The following SEMA3B variants were observed in gnomAD, a reference collection of about 807,000 sequenced individuals.
The protein encoded by SEMA3B is semaphorin 3B, also known as semaphorin-3B.
Under a neutral mutation model 77.8 loss-of-function variants are expected in SEMA3B, and 71 were observed. That is an observed-to-expected ratio of 0.91 (90% CI 0.75 to 1.11). The LOEUF is 1.11. Among genes scored for constraint, SEMA3B ranks in the 50% most tolerant of loss-of-function variants. The pLI is 0.00. For synonymous variants in SEMA3B, 470 were observed against 452.9 expected, an observed-to-expected ratio of 1.04 and a Z score of -0.48; for missense variants, 968 against 1,056.8, an observed-to-expected ratio of 0.92 and a Z score of 1.17.
At position 50,275,244 on chromosome 3, in the gene SEMA3B, G is replaced by T. The variant is rs1701191747; in HGVS notation, c.1492-58G>T. 1.4e-6 allele frequency: 2 copies of T among 1,475,186 alleles called. No homozygotes were observed. Among genetic ancestry groups the T allele is most frequent in the Non-Finnish European group, 1.8e-6 (2 of 1,109,376 alleles). 91.4% of individuals were successfully genotyped at this position (1,475,186 alleles called of 1,614,324 possible). A position where few individuals can be genotyped will look rare whatever the true frequency, so the allele number is the denominator to read the frequency against. On this transcript the variant is annotated intron_variant, in intron 13 of 16. Transcript: ENST00000616701. This position sits in a 1 kb window ranked among gnomAD's most constrained non-coding sequence, Gnocchi z 7.5. ...CGAGTGGAAGAAGGGATCCCTGACC[G>T]ATGGGAGGCAGGCGTGGGGTCGCCC...
Position 50,275,000 on chromosome 3 carries a change from C to T in SEMA3B, c.1450-12C>T. On this transcript the variant is annotated splice_polypyrimidine_tract_variant and intron_variant, in intron 12 of 16. Transcript: ENST00000616701. This position sits in a 1 kb window ranked among gnomAD's most constrained non-coding sequence, Gnocchi z 4.7. ...ACTAAGCCCTGACCCCGTCGCCCCT[C>T]CTCCCTCTCAGGACTCGGCCGCTGT... The T allele has an allele frequency of 6.3e-7, 1 of 1,595,838 alleles. No individual in the cohort carries two copies. Among genetic ancestry groups the T allele is most frequent in the Non-Finnish European group, 8.6e-7 (1 of 1,168,726 alleles).
chr3:50,276,604 G>C lies in SEMA3B; in HGVS notation c.2148G>C (p.Leu716=), dbSNP rs1402544123. 4 of 1,583,682 alleles carry C rather than the reference G, an allele frequency of 2.5e-6. No individual in the cohort carries two copies. The highest frequency in any genetic ancestry group is 3.4e-6 in the Non-Finnish European group (4 of 1,170,566). The part of the protein sequence containing the change: ...SLRMCRPQPA[L]QSLPLESRRK... ...GCATGTGCCGCCCGCAGCCTGCGCT[G>C]CAGTCACTGCCCCTGGAGTCGCGGA... The change falls in exon 17 of 17, where the codon CTG becomes CTC. Residue 716 remains leucine, a synonymous_variant. Coordinates refer to ENST00000616701, the MANE Select transcript of SEMA3B (RefSeq NM_001290060.2). The surrounding 1 kb of genome is among the most constrained non-coding windows in gnomAD (Gnocchi z 5.8).
chr3:50,270,610 G>A lies in SEMA3B; in HGVS notation c.330+115G>A. ...TGGCTGGGATGAGGGCAGGGAGGTC[G>A]AGGTGGCTGAGGTCTGGGGGTGGTG... is the stretch of plus-strand genomic sequence containing the variant. On this transcript the variant is annotated intron_variant, in intron 3 of 16. Coordinates refer to ENST00000616701, the MANE Select transcript of SEMA3B (RefSeq NM_001290060.2). The surrounding 1 kb of genome is among the most constrained non-coding windows in gnomAD (Gnocchi z 4.7). The A allele has an allele frequency of 1.4e-6, 2 of 1,408,720 alleles. No individual in the cohort carries two copies. The highest frequency in any genetic ancestry group is 2.4e-5 in the South Asian group (2 of 81,794). 87.3% of individuals were successfully genotyped at this position (1,408,720 alleles called of 1,614,324 possible).
Position 50,275,992 on chromosome 3 carries a change from T to A in SEMA3B, c.1845+148T>A. On this transcript the variant is annotated intron_variant, in intron 16 of 16. Coordinates refer to ENST00000616701, the MANE Select transcript of SEMA3B (RefSeq NM_001290060.2). This position sits in a 1 kb window ranked among gnomAD's most constrained non-coding sequence, Gnocchi z 7.5. ...CCCTCACCTGCACTCCACAAGCTGC[T>A]GAGGCCCCATTGCGTCCAACGGGGC... 8.8e-7 allele frequency: 1 copy of A among 1,133,110 alleles called. No homozygotes were observed. Among genetic ancestry groups the A allele is most frequent in the Non-Finnish European group, 1.2e-6 (1 of 826,654 alleles). The allele number at this position is 1,133,110 out of a possible 1,614,324, so 70.2% of individuals were successfully genotyped here. A position where few individuals can be genotyped will look rare whatever the true frequency, so the allele number is the denominator to read the frequency against.
chr3:50,273,217 C>G lies in SEMA3B; in HGVS notation c.665-81C>G, dbSNP rs2109242847. The G allele has an allele frequency of 6.6e-7, 1 of 1,521,646 alleles. No individual in the cohort carries two copies. Among genetic ancestry groups the G allele is most frequent in the East Asian group, 2.4e-5 (1 of 41,628 alleles). 94.3% of individuals were successfully genotyped at this position (1,521,646 alleles called of 1,614,324 possible). A position where few individuals can be genotyped will look rare whatever the true frequency, so the allele number is the denominator to read the frequency against. On this transcript the variant is annotated intron_variant, in intron 6 of 16. Coordinates refer to ENST00000616701, the MANE Select transcript of SEMA3B (RefSeq NM_001290060.2). The surrounding 1 kb of genome is among the most constrained non-coding windows in gnomAD (Gnocchi z 6.5). ...GATCCCGGGTGCTGTGCCCGCACTA[C>G]GGGAAGGGGAAGCAGCGCGTGGGTC...
At position 50,275,122 on chromosome 3, in the gene SEMA3B, G is replaced by A; in HGVS notation, c.1491+69G>A. 1 of 1,513,586 alleles carries A rather than the reference G, an allele frequency of 6.6e-7. No homozygotes were observed. Among genetic ancestry groups the A allele is most frequent in the Non-Finnish European group, 8.9e-7 (1 of 1,128,674 alleles). 93.8% of individuals were successfully genotyped at this position (1,513,586 alleles called of 1,614,324 possible). On this transcript the variant is annotated intron_variant, in intron 13 of 16. Transcript: ENST00000616701. The surrounding 1 kb of genome is among the most constrained non-coding windows in gnomAD (Gnocchi z 7.5). ...GTGCCTGGCGCGTCCCAAGCCTCTG[G>A]CCCCTTTTGGTAGTTTGCAGTCCCG...
chr3:50,273,933 C>A lies in SEMA3B; in HGVS notation c.1013C>A (p.Ala338Glu). 1.9e-6 allele frequency: 3 copies of A among 1,611,112 alleles called. No homozygotes were observed. The African/African-American group carries it at 4.0e-5, about 21-fold the overall frequency. ...STSSSIFQGSAVCVYSMNDVR... is the reference protein window; with the variant it reads ...STSSSIFQGSEVCVYSMNDVR... ...TCCAGCAGCATCTTCCAGGGCTCTG[C>A]GGTGTGCGTGTACAGCATGAACGAC... Residue 338 changes from alanine (A) to glutamate (E), a missense_variant, in exon 10 of 17, where the codon GCG (alanine) becomes GAG (glutamate). Physicochemically the swap from Ala to Glu is moderately radical, Grantham distance 107. Coordinates refer to ENST00000616701, the MANE Select transcript of SEMA3B (RefSeq NM_001290060.2). This position sits in a 1 kb window ranked among gnomAD's most constrained non-coding sequence, Gnocchi z 6.5.
At position 50,275,860 on chromosome 3, in the gene SEMA3B, C is replaced by T. The variant is rs1701221036; in HGVS notation, c.1845+16C>T. ...CCACACCCAGGTGAGCCTTACTCCGCCCTCCCCGCCAGGCTCCTGTCCCAC... is the reference window on the plus strand; with the variant it reads ...CCACACCCAGGTGAGCCTTACTCCGTCCTCCCCGCCAGGCTCCTGTCCCAC... On this transcript the variant is annotated intron_variant, in intron 16 of 16. Transcript: ENST00000616701. The surrounding 1 kb of genome is among the most constrained non-coding windows in gnomAD (Gnocchi z 7.5). The T allele has an allele frequency of 1.3e-6, 2 of 1,566,948 alleles. No homozygotes were observed. Among genetic ancestry groups the T allele is most frequent in the African/African-American group, 1.3e-5 (1 of 74,132 alleles).
In SEMA3B at chr3:50,273,718, G is replaced by A; in HGVS notation, c.923-41G>A. 1.2e-6 allele frequency: 2 copies of A among 1,604,054 alleles called. No homozygotes were observed. Among genetic ancestry groups the A allele is most frequent in the Non-Finnish European group, 1.7e-6 (2 of 1,178,634 alleles). ...AGACTCCGGGAGCCCCCGCCGCAGC[G>A]GGGCTGTGCGCCCTACCCCAGCTAG... On this transcript the variant is annotated intron_variant, in intron 8 of 16. Transcript: ENST00000616701. The surrounding 1 kb of genome is among the most constrained non-coding windows in gnomAD (Gnocchi z 6.5).
At chr3:50,261,722 A>C in the SEMA3B span, 1 of 152,208 alleles carries the variant, frequency 6.6e-6, no homozygotes, top group Non-Finnish European at 1.5e-5. Flanking sequence ...TGTTCCAGGG[A>C]GCCCCATGGC....
At position 50,275,800 on chromosome 3, in the gene SEMA3B, G is replaced by C. The variant is rs1452075118; in HGVS notation, c.1801G>C (p.Val601Leu). Residue 601 changes from valine (V) to leucine (L), a missense_variant, in exon 16 of 17, where the codon GTG becomes CTG. Transcript: ENST00000616701. This position sits in a 1 kb window ranked among gnomAD's most constrained non-coding sequence, Gnocchi z 7.5. ...ECEPRSLQAR[V>L]EWTFQRAGVT... ...TGAGCCCCGCTCGCTGCAGGCGCGC[G>C]TGGAGTGGACTTTCCAGCGCGCAGG... is the stretch of plus-strand genomic sequence containing the variant. 4 of 1,611,412 alleles carry C rather than the reference G, an allele frequency of 2.5e-6. No individual in the cohort carries two copies. The highest frequency in any genetic ancestry group is 3.4e-6 in the Non-Finnish European group (4 of 1,179,694).
chr3:50,271,063 A>G, intron 4 of SEMA3B, 25 bp from the exon 5 acceptor site: 2 of 1,577,042 alleles, frequency 1.3e-6, no homozygotes, highest in South Asian at 1.2e-5. Context: ...AGGGCCTGGT[A>G]GTCACAACTT....
In SEMA3B at chr3:50,270,664, C is replaced by T; in HGVS notation, c.330+169C>T. On this transcript the variant is annotated intron_variant, in intron 3 of 16. Transcript: ENST00000616701. This position sits in a 1 kb window ranked among gnomAD's most constrained non-coding sequence, Gnocchi z 4.7. ...CAGGGTGGGGGCTCGTGTAATTCTT[C>T]TGGGGTGCCTCTGAGTCATGGGAGG... is the stretch of plus-strand genomic sequence containing the variant. 8.8e-6 allele frequency: 10 copies of T among 1,138,352 alleles called. No individual in the cohort carries two copies. The highest frequency in any genetic ancestry group is 3.1e-5 in the South Asian group (2 of 65,388). The allele number at this position is 1,138,352 out of a possible 1,614,324, so 70.5% of individuals were successfully genotyped here.
the SEMA3B span, chr3:50,260,440 G>T: frequency 6.6e-6 from 1 of 152,230 alleles, no homozygotes; most frequent in Non-Finnish European, 1.5e-5. Context: ...GGCTGCTGCC[G>T]CCCGGTCGGA....
rs932854032 is a variant in SEMA3B, at chr3:50,274,787, A to G, written c.1358-56A>G. 19 of 1,574,808 alleles carry G rather than the reference A, an allele frequency of 1.2e-5. No individual in the cohort carries two copies. Among genetic ancestry groups the G allele is most frequent in the Non-Finnish European group, 1.6e-5 (19 of 1,154,666 alleles). ...GTAGACGCCTCAAAGGCGAGGAGAC[A>G]CTAGCCCCAGCTGTCCGGGAGCACC... On this transcript the variant is annotated intron_variant, in intron 11 of 16. Transcript: ENST00000616701. This position sits in a 1 kb window ranked among gnomAD's most constrained non-coding sequence, Gnocchi z 4.7.
Position 50,274,498 on chromosome 3 carries a change from G to T in SEMA3B, c.1273G>T (p.Gly425Ter). The stretch of plus-strand genomic sequence containing the variant: ...GGGGCGCCCTCTTTTCCTACAAGTT[G>T]GAGCCAATTACACCTTCACTCAAAT... Reference protein sequence around the residue: ...TGGRPLFLQVGANYTFTQIAA... With the variant: ...TGGRPLFLQV Residue 425 changes from glycine (G) to a stop codon, truncating the protein, a stop_gained, in exon 11 of 17, where the codon GGA (glycine) becomes TGA (stop). Transcript: ENST00000616701. LOFTEE classifies it high-confidence loss of function. The surrounding 1 kb of genome is among the most constrained non-coding windows in gnomAD (Gnocchi z 4.7). 6.4e-7 allele frequency: 1 copy of T among 1,565,384 alleles called. No homozygotes were observed. The highest frequency in any genetic ancestry group is 2.0e-5 in the Admixed American group (1 of 51,070).
chr3:50,275,057 A>G lies in SEMA3B; in HGVS notation c.1491+4A>G, dbSNP rs965085409. 7.6e-6 allele frequency: 12 copies of G among 1,581,240 alleles called. No homozygotes were observed. Among genetic ancestry groups the G allele is most frequent in the African/African-American group, 1.3e-5 (1 of 74,476 alleles). On this transcript the variant is annotated splice_donor_region_variant and intron_variant, in intron 13 of 16. Coordinates refer to ENST00000616701, the MANE Select transcript of SEMA3B (RefSeq NM_001290060.2). This position sits in a 1 kb window ranked among gnomAD's most constrained non-coding sequence, Gnocchi z 7.5. The stretch of plus-strand genomic sequence containing the variant: ...CATGCAAATTTCTTCCAAGAGGGTG[A>G]GTGACCAGGATGGGGGTCGGGGTGG...
chr3:50,271,356 T>C lies in SEMA3B; in HGVS notation c.545-5T>C, dbSNP rs781975828. The C allele has an allele frequency of 5.7e-6, 9 of 1,569,620 alleles. No individual in the cohort carries two copies. In the African/African-American group the frequency reaches 1.2e-4, roughly 21 times the overall value. Reference sequence around the variant, plus strand: ...TTGCCTGAGTGGCCCTTGCTCTGTCTGCAGGGGAGGAGCTATACTCAGGGG... The same window carrying C: ...TTGCCTGAGTGGCCCTTGCTCTGTCCGCAGGGGAGGAGCTATACTCAGGGG... On this transcript the variant is annotated splice_region_variant and splice_polypyrimidine_tract_variant and intron_variant, in intron 5 of 16. Coordinates refer to ENST00000616701, the MANE Select transcript of SEMA3B (RefSeq NM_001290060.2).
In SEMA3B at chr3:50,273,602, G is replaced by T; in HGVS notation, c.878G>T (p.Cys293Phe). ...WTTFLKARLV[C>F]SVPGVEGDTH... ...ACGTTCCTGAAGGCGCGGCTGGTGT[G>T]CTCGGTGCCCGGCGTCGAGGGCGAC... is the stretch of plus-strand genomic sequence containing the variant. The change falls in exon 8 of 17, where the codon TGC becomes TTC. Residue 293 changes from cysteine (C) to phenylalanine (F), a missense_variant. Cys to Phe is a radical substitution (Grantham distance 205). Transcript: ENST00000616701. This position sits in a 1 kb window ranked among gnomAD's most constrained non-coding sequence, Gnocchi z 6.5. 1 of 1,612,874 alleles carries T rather than the reference G, an allele frequency of 6.2e-7. No homozygotes were observed. Among genetic ancestry groups the T allele is most frequent in the Middle Eastern group, 1.6e-4 (1 of 6,062 alleles).
Sources: allele counts gnomAD v4.1 joint callset, GRCh38; gene constraint gnomAD v4.1.1; non-coding constraint Gnocchi (gnomAD v3.1); transcripts MANE v1.5; gene names NCBI Gene and HGNC (gene_info 2026-07-23, HGNC 2026-07-21).